STK31: variants seen among roughly 807,000 people sequenced by gnomAD.
The protein encoded by STK31 is serine/threonine kinase 31, also known as serine/threonine-protein kinase 31.
STK31 carries 89 observed loss-of-function variants against 129.7 expected under a neutral mutation model. That is an observed-to-expected ratio of 0.69 (90% CI 0.58 to 0.82). The LOEUF is 0.82. STK31 is among the 40% of genes least tolerant of loss of function. The pLI is 0.00. For missense variants in STK31, 1,187 were observed against 1,176.4 expected (o/e 1.01, Z -0.13); for synonymous variants, 448 against 395.3 (o/e 1.13, Z -1.58).
rs372585584 is a variant in STK31 at position 23,744,413 on chromosome 7, A to G, written c.1017+7335A>G. ...TTTTATCTCACTGAACTTATTTAAA[A>G]TCAGTATTTTGGATTTTTCATCTGG... On this transcript the variant is annotated intron_variant, in intron 8 of 23. Coordinates refer to ENST00000355870, the MANE Select transcript of STK31 (RefSeq NM_031414.5). 2.1e-4 allele frequency among the ~76,000 whole-genome samples: 32 copies of G among 151,860 alleles called. 2 individuals carry two copies. The East Asian group carries it at 3.3e-3, about 16-fold the overall frequency.
chr7:23,735,826 C>T lies in STK31; in HGVS notation c.772C>T (p.His258Tyr), dbSNP rs778783307. Residue 258 changes from histidine to tyrosine, a missense_variant, in exon 7 of 24, where the codon CAC (histidine) becomes TAC (tyrosine). Coordinates refer to ENST00000355870, the MANE Select transcript of STK31 (RefSeq NM_031414.5). ...NQSTFSRPKGHLSEKMTLDLK... is the reference protein window; with the variant it reads ...NQSTFSRPKGYLSEKMTLDLK... ...GTCAACCTTCAGCAGGCCCAAGGGG[C>T]ACTTAAGTGAGAAAATGACTCTTGA... 2 of 1,610,958 alleles carry T rather than the reference C, an allele frequency of 1.2e-6. No homozygotes were observed. The highest frequency in any genetic ancestry group is 1.7e-6 in the Non-Finnish European group (2 of 1,178,442).
At chr7:23,791,452 T>G (rs1433284005) in intron 22 of STK31, 1 of 255,630 alleles carries the variant, frequency 3.9e-6, no homozygotes, top group Non-Finnish European at 6.1e-6. Flanking sequence ...GAAGGGACAC[T>G]GGGGTCTACT....
At chr7:23,765,343 G>A (rs898315992) in intron 11 of STK31, among the ~76,000 whole-genome samples, 6 of 152,016 alleles carry the variant, frequency 3.9e-5, no homozygotes, top group Admixed American at 2.0e-4. Flanking sequence ...GTGAGCCACC[G>A]CACCTGGCTT....
intron 1 of STK31, 84 bp downstream of exon 1, chr7:23,710,419 C>G: frequency 6.2e-7 from 1 of 1,602,584 alleles, no homozygotes; most frequent in Non-Finnish European, 8.5e-7. Flanking sequence ...AGTCTCCAAT[C>G]CTGGGACGAG....
At chr7:23,753,553 A>G (rs1181451662) in intron 9 of STK31, among the ~76,000 whole-genome samples, 1 of 152,264 alleles carries the variant, frequency 6.6e-6, no homozygotes, top group South Asian at 2.1e-4. Flanking sequence ...TGAAGTATGC[A>G]AGAATCATAC....
At position 23,787,976 on chromosome 7, in the gene STK31, A is replaced by G. The variant is rs749909642; in HGVS notation, c.2488-4A>G. ...TCACTTCTTTTATGTGTACTTATCT[A>G]TAGGAAACTTTAAAGGTCATGAAAG... is the stretch of plus-strand genomic sequence containing the variant. On this transcript the variant is annotated splice_region_variant and splice_polypyrimidine_tract_variant and intron_variant, in intron 20 of 23. Coordinates refer to ENST00000355870, the MANE Select transcript of STK31 (RefSeq NM_031414.5). 6.5e-6 allele frequency: 10 copies of G among 1,547,276 alleles called. No individual in the cohort carries two copies. Among genetic ancestry groups the G allele is most frequent in the African/African-American group, 5.6e-5 (4 of 71,812 alleles).
intron 23 of STK31, among the ~76,000 whole-genome samples, chr7:23,820,216 T>G (rs1465455161): frequency 2.0e-5 from 3 of 152,160 alleles, no homozygotes; most frequent in African/African-American, 7.2e-5. Flanking sequence ...ACACAGGGGA[T>G]TGGTACAGAT....
intron 6 of STK31, among the ~76,000 whole-genome samples, chr7:23,729,915 C>T (rs527615243): frequency 2.6e-5 from 4 of 152,134 alleles, no homozygotes; most frequent in Non-Finnish European, 5.9e-5. Flanking sequence ...TAGTCCTGGC[C>T]ATAAATACCA....
At chr7:23,781,024 CTTTTG>C (rs953300202) in intron 15 of STK31, among the ~76,000 whole-genome samples, 25 of 152,232 alleles carry the variant, frequency 1.6e-4, no homozygotes, top group African/African-American at 5.1e-4. Flanking sequence ...TTTACTCATC[CTTTTG>C]TTTTGTTTTT....
chr7:23,807,297 C>T (rs1387709626), intron 22 of STK31, among the ~76,000 whole-genome samples: 1 of 152,002 alleles, frequency 6.6e-6, no homozygotes, highest in Admixed American at 6.6e-5. Context: ...ACCTTTATTT[C>T]TGAAGAATAT....
At chr7:23,764,996 T>G (rs1789721417) in intron 11 of STK31, among the ~76,000 whole-genome samples, 1 of 151,984 alleles carries the variant, frequency 6.6e-6, no homozygotes, top group Non-Finnish European at 1.5e-5. Context: ...TAAGTTCGTA[T>G]CCCACCTTTC....
intron 7 of STK31, 124 bp downstream of exon 7, chr7:23,736,020 A>G (rs765279134): frequency 9.9e-5 from 74 of 746,668 alleles, no homozygotes; most frequent in Admixed American, 4.1e-4. Flanking sequence ...GCTGATGCTG[A>G]TATTTCTGTT....
At chr7:23,773,328 T>C (rs1472824391) in intron 15 of STK31, among the ~76,000 whole-genome samples, 1 of 152,188 alleles carries the variant, frequency 6.6e-6, no homozygotes, top group African/African-American at 2.4e-5. Flanking sequence ...TTGCTGAGAC[T>C]GATGGTTTCC....
intron 11 of STK31, among the ~76,000 whole-genome samples, chr7:23,764,243 G>GT (rs1180384790): frequency 6.6e-6 from 1 of 152,100 alleles, no homozygotes; most frequent in Non-Finnish European, 1.5e-5. Context: ...TCCCTTAAAG[G>GT]TTTATTTCTT....
At chr7:23,820,911 C>G (rs1436260672) in intron 23 of STK31, among the ~76,000 whole-genome samples, 2 of 152,042 alleles carry the variant, frequency 1.3e-5, no homozygotes, top group Non-Finnish European at 2.9e-5. Flanking sequence ...TAATAGTGTT[C>G]CACATTGTCT....
Position 23,729,134 on chromosome 7 carries a change from A to G in STK31, c.368A>G (p.Asn123Ser). 1 of 1,611,124 alleles carries G rather than the reference A, an allele frequency of 6.2e-7. No individual in the cohort carries two copies. The highest frequency in any genetic ancestry group is 1.1e-5 in the South Asian group (1 of 90,556). ...YIDYGNTEIL[N>S]RSDIVEIPLE... is the part of the protein sequence containing the mutation. ...GACTATGGAAATACTGAAATTCTAA[A>G]TCGATCTGATATAGTTGAAATTCCT... Residue 123 changes from asparagine (N) to serine (S), a missense_variant, in exon 6 of 24, where the codon AAT (asparagine) becomes AGT (serine). Physicochemically the swap from Asn to Ser is conservative, Grantham distance 46. Around this residue, in one of 5 missense-constraint regions of STK31, gnomAD observed 103 missense variants for 110.4 expected, o/e 0.93. Transcript: ENST00000355870.
chr7:23,786,727 C>T (rs1033317856), intron 19 of STK31, 94 bp downstream of exon 19: 2 of 1,535,102 alleles, frequency 1.3e-6, no homozygotes, highest in African/African-American at 2.8e-5. Flanking sequence ...TTTAGAGCAG[C>T]AGTTCATTCC....
At chr7:23,767,301 A>G (rs745798597) in intron 11 of STK31, among the ~76,000 whole-genome samples, 8 of 152,190 alleles carry the variant, frequency 5.3e-5, no homozygotes, top group Non-Finnish European at 1.2e-4. Flanking sequence ...TTCCCTTGGA[A>G]CTATAAGCTA....
intron 14 of STK31, 67 bp downstream of exon 14, chr7:23,771,191 T>C (rs906011089): frequency 7.7e-6 from 11 of 1,430,738 alleles, no homozygotes; most frequent in South Asian, 1.6e-5. Context: ...ACTTAAATTT[T>C]TCTATTGTTG....
Sources: allele counts gnomAD v4.1 joint callset (sites outside exome capture counted in the v4.1 genomes callset), GRCh38; gene constraint gnomAD v4.1.1; regional missense constraint gnomAD v4.1.1; transcripts MANE v1.5; gene names NCBI Gene and HGNC (gene_info 2026-07-23, HGNC 2026-07-21).